The following GUCY1A2 variants were observed in gnomAD, a reference collection of about 807,000 sequenced individuals.
GUCY1A2 encodes guanylate cyclase soluble subunit alpha-2.
A neutral mutation model predicts 63.5 loss-of-function variants in GUCY1A2; 27 were observed. That is an observed-to-expected ratio of 0.43 (90% confidence interval 0.31 to 0.59). The LOEUF (loss-of-function observed/expected upper bound fraction) is 0.59. Ranked by LOEUF, GUCY1A2 falls within the 20% of genes least tolerant of loss-of-function variation. The probability of loss-of-function intolerance (pLI) is 0.11; values close to 1 mark genes in which losing one functional copy is unlikely to be tolerated. For missense variants in GUCY1A2, 768 were observed against 913.3 expected (o/e 0.84, Z 2.05); for synonymous variants, 364 against 343.5 (o/e 1.06, Z -0.66).
intron 3 of GUCY1A2, among the ~76,000 whole-genome samples, chr11:106,971,909 T>G (rs1041321978): frequency 2.0e-5 from 3 of 152,060 alleles, no homozygotes; most frequent in Non-Finnish European, 4.4e-5. Context: ...GAACATCTTA[T>G]AGTGCTGGGA....
chr11:106,853,598 T>A (rs969662463), intron 4 of GUCY1A2, among the ~76,000 whole-genome samples: 19 of 152,210 alleles, frequency 1.2e-4, no homozygotes, highest in Non-Finnish European at 2.5e-4. Flanking sequence ...TGTATCTCAC[T>A]AAGTTTCCTT....
At chr11:106,730,096 T>TATA (rs1565271769) in intron 6 of GUCY1A2, among the ~76,000 whole-genome samples, 6 of 96,092 alleles carry the variant, frequency 6.2e-5, no homozygotes, top group East Asian at 2.5e-4. Flanking sequence ...ATATATATAT[T>TATA]ATAGTATATA....
intron 5 of GUCY1A2, among the ~76,000 whole-genome samples, chr11:106,781,881 T>C (rs1864471018): frequency 6.6e-6 from 1 of 152,170 alleles, no homozygotes; most frequent in Non-Finnish European, 1.5e-5. Flanking sequence ...TTACCTTGTT[T>C]GTTTATTTTA....
chr11:106,837,166 G>A (rs1859128429), intron 4 of GUCY1A2, among the ~76,000 whole-genome samples: 1 of 151,796 alleles, frequency 6.6e-6, no homozygotes, highest in Admixed American at 6.6e-5. Context: ...CACTCAAGGA[G>A]GCCCCAGTGT....
At chr11:106,939,429 C>A in intron 4 of GUCY1A2, 31 bp downstream of exon 4, 1 of 1,061,900 alleles carries the variant, frequency 9.4e-7, no homozygotes, top group South Asian at 1.4e-5. Context: ...TCTTCTAGTT[C>A]CCATCACCAT....
chr11:106,811,114 A>G (rs1425429151), intron 4 of GUCY1A2, among the ~76,000 whole-genome samples: 3 of 152,112 alleles, frequency 2.0e-5, no homozygotes, highest in African/African-American at 7.2e-5. Context: ...AGCTAAAAAT[A>G]AATGAAAAAA....
At chr11:106,760,531 G>T (rs1296352634) in intron 6 of GUCY1A2, among the ~76,000 whole-genome samples, 1 of 152,090 alleles carries the variant, frequency 6.6e-6, no homozygotes, top group Non-Finnish European at 1.5e-5. Context: ...TTTACAACTT[G>T]ATATTTGGAC....
chr11:107,012,764 C>T (rs925510170), intron 1 of GUCY1A2, among the ~76,000 whole-genome samples: 3 of 152,148 alleles, frequency 2.0e-5, no homozygotes, highest in Non-Finnish European at 4.4e-5. Context: ...CTGAAATATA[C>T]TTTATATAAT....
At chr11:106,846,190 T>A (rs980077774) in intron 4 of GUCY1A2, among the ~76,000 whole-genome samples, 4 of 147,726 alleles carry the variant, frequency 2.7e-5, no homozygotes, top group African/African-American at 1.0e-4. Flanking sequence ...GTTGAGAAAA[T>A]TGGGAAAATG....
chr11:106,914,102 A>C (rs1474338543), intron 4 of GUCY1A2, among the ~76,000 whole-genome samples: 1 of 151,914 alleles, frequency 6.6e-6, no homozygotes, highest in African/African-American at 2.4e-5. Context: ...AGCAAAATCT[A>C]TTTGTAGGGG....
chr11:106,980,889 A>G (rs1457738251), intron 2 of GUCY1A2, among the ~76,000 whole-genome samples: 1 of 152,146 alleles, frequency 6.6e-6, no homozygotes, highest in Non-Finnish European at 1.5e-5. Flanking sequence ...CCACAGGGTT[A>G]TTTTTAATTC....
intron 3 of GUCY1A2, among the ~76,000 whole-genome samples, chr11:106,957,010 C>A (rs759935675): frequency 3.9e-5 from 6 of 152,150 alleles, no homozygotes; most frequent in Non-Finnish European, 7.4e-5. Flanking sequence ...AGGGAAGCCC[C>A]GCCCACTGAG....
Position 106,678,685 on chromosome 11 carries a change from T to C in GUCY1A2, c.*8864A>G, listed in dbSNP as rs1862384962. ...AAATGATTTGAACATAAATTGGTTT[T>C]GACTTAGATTTTATTCCGAGAAGTT... On this transcript the variant is annotated 3_prime_UTR_variant, in exon 8 of 8. Coordinates refer to ENST00000526355, the MANE Select transcript of GUCY1A2 (RefSeq NM_000855.3). 1 of 208,242 alleles carries C rather than the reference T, an allele frequency of 4.8e-6. No individual in the cohort carries two copies. The highest frequency in any genetic ancestry group is 1.9e-4 in the South Asian group (1 of 5,330). The allele number at this position is 208,242 out of a possible 1,614,324, so 12.9% of individuals were successfully genotyped here. A position where few individuals can be genotyped will look rare whatever the true frequency, so the allele number is the denominator to read the frequency against.
rs1349189475 is a variant in GUCY1A2 at position 106,915,749 on chromosome 11, A to G, written c.1206+23711T>C. ...ATGAGCCACGTAAACCAAGTGAAAA[A>G]GAACTATGTCTGATTTTAAGATTTC... On this transcript the variant is annotated intron_variant, in intron 4 of 7. Transcript: ENST00000526355. Among the ~76,000 whole-genome samples the G allele has an allele frequency of 2.8e-5, 4 of 144,900 alleles. 1 individual carries two copies. Among genetic ancestry groups the G allele is most frequent in the Non-Finnish European group, 6.2e-5 (4 of 64,588 alleles).
At chr11:106,725,714 T>C (rs1028815453) in intron 6 of GUCY1A2, among the ~76,000 whole-genome samples, 3 of 152,192 alleles carry the variant, frequency 2.0e-5, no homozygotes, top group Admixed American at 6.5e-5. Flanking sequence ...TGGAGGTTAG[T>C]AATATTTCAG....
chr11:106,784,000 C>T (rs940354333), intron 5 of GUCY1A2, among the ~76,000 whole-genome samples: 3 of 152,120 alleles, frequency 2.0e-5, no homozygotes, highest in South Asian at 2.1e-4. Flanking sequence ...TCAGAAAGTC[C>T]GTGGCATTCA....
intron 6 of GUCY1A2, among the ~76,000 whole-genome samples, chr11:106,709,313 ATATT>A (rs1403221443): frequency 9.1e-5 from 6 of 65,916 alleles, no homozygotes; most frequent in African/African-American, 2.4e-4. Flanking sequence ...ATATTTATAT[ATATT>A]TATATATATT....
At chr11:106,967,376 G>T (rs1861139037) in intron 3 of GUCY1A2, among the ~76,000 whole-genome samples, 1 of 152,072 alleles carries the variant, frequency 6.6e-6, no homozygotes, top group African/African-American at 2.4e-5. Flanking sequence ...GGACAGGAAA[G>T]TGTTATCTAA....
intron 4 of GUCY1A2, among the ~76,000 whole-genome samples, chr11:106,845,492 A>G (rs1470382311): frequency 6.6e-6 from 1 of 151,622 alleles, no homozygotes; most frequent in Non-Finnish European, 1.5e-5. Context: ...AAGATCACTC[A>G]GGTGCTCACT....
Sources: allele counts gnomAD v4.1 joint callset (sites outside exome capture counted in the v4.1 genomes callset), GRCh38; gene constraint gnomAD v4.1.1; transcripts MANE v1.5; gene names NCBI Gene and HGNC (gene_info 2026-07-23, HGNC 2026-07-21).